Variants in CSMD3 observed in about 807,000 individuals in gnomAD.
The protein encoded by CSMD3 is CUB and Sushi multiple domains 3.
In CSMD3, 177 loss-of-function variants were observed where a neutral mutation model predicts 435.2. The ratio of observed to expected loss-of-function variants is 0.41; its 90% CI spans 0.36 to 0.46. CSMD3 has a LOEUF of 0.46. Among genes scored for constraint, CSMD3 ranks in the 20% least tolerant of loss-of-function variants. The pLI, the probability that CSMD3 is intolerant of heterozygous loss-of-function variation, is 0.34. For synonymous variants in CSMD3, 1,656 were observed against 1,520.5 expected (o/e 1.09, Z -2.07); for missense variants, 4,265 against 4,504.6 (o/e 0.95, Z 1.52).
At chr8:112,661,209 T>C (rs1360862627) in intron 17 of CSMD3, among the ~76,000 whole-genome samples, 1 of 152,062 alleles carries the variant, frequency 6.6e-6, no homozygotes, top group African/African-American at 2.4e-5. Context: ...AATTTAAGTT[T>C]ATGCCTATTT....
At chr8:112,328,570 G>A (rs1163764664) in intron 45 of CSMD3, among the ~76,000 whole-genome samples, 1 of 152,146 alleles carries the variant, frequency 6.6e-6, no homozygotes, top group African/African-American at 2.4e-5. Context: ...TTTCTATCAT[G>A]AGGAATGAAA....
intron 7 of CSMD3, among the ~76,000 whole-genome samples, chr8:112,962,476 T>G (rs1358728952): frequency 6.6e-6 from 1 of 151,772 alleles, no homozygotes; most frequent in Non-Finnish European, 1.5e-5. Flanking sequence ...CTGTGGACAG[T>G]GGCATATAGT....
chr8:112,254,108 C>T (rs1815552093), intron 63 of CSMD3, 145 bp downstream of exon 63: 7 of 708,468 alleles, frequency 9.9e-6, no homozygotes, highest in East Asian at 2.6e-5. Context: ...TACTTCCACT[C>T]TTTTGCTGTC....
intron 22 of CSMD3, among the ~76,000 whole-genome samples, chr8:112,629,348 T>C (rs374765055): frequency 1.7e-4 from 26 of 152,178 alleles, no homozygotes; most frequent in African/African-American, 6.3e-4. Flanking sequence ...ACAACCGTCA[T>C]ACACCACAAT....
At chr8:113,266,181 T>TAAAAAAAAAAAAAAAAAAA (rs34809876) in intron 3 of CSMD3, among the ~76,000 whole-genome samples, 1 of 131,814 alleles carries the variant, frequency 7.6e-6, no homozygotes, top group Non-Finnish European at 1.7e-5. Flanking sequence ...CCCCTAAACT[T>TAAAAAAAAAAAAAAAAAAA]AAAAAAAAAA....
intron 2 of CSMD3, among the ~76,000 whole-genome samples, chr8:113,286,670 A>C (rs1198371364): frequency 6.6e-6 from 1 of 151,724 alleles, no homozygotes; most frequent in Non-Finnish European, 1.5e-5. Flanking sequence ...GGGAGAGTTG[A>C]GAAGAACGAC....
chr8:112,850,441 A>G (rs947284088), intron 11 of CSMD3, among the ~76,000 whole-genome samples: 9 of 152,222 alleles, frequency 5.9e-5, no homozygotes, highest in African/African-American at 1.9e-4. Context: ...AAACATTTGT[A>G]TCTGTAGCTA....
chr8:112,404,524 T>TAAA (rs774206413), intron 35 of CSMD3, among the ~76,000 whole-genome samples: 6 of 138,690 alleles, frequency 4.3e-5, no homozygotes, highest in Admixed American at 3.6e-4. Flanking sequence ...TGAGACTCCA[T>TAAA]AAAAAAAAAA....
At chr8:112,893,313 A>T (rs1301708769) in intron 10 of CSMD3, among the ~76,000 whole-genome samples, 8 of 151,494 alleles carry the variant, frequency 5.3e-5, no homozygotes, top group Admixed American at 4.0e-4. Flanking sequence ...GACTAGATTA[A>T]GTCATTGATT....
intron 4 of CSMD3, among the ~76,000 whole-genome samples, chr8:113,109,286 T>C (rs147601331): frequency 1.1e-3 from 167 of 152,354 alleles, no homozygotes; most frequent in African/African-American, 3.8e-3. Context: ...TAGTCTTAGC[T>C]AATTCTAGTA....
intron 13 of CSMD3, among the ~76,000 whole-genome samples, chr8:112,769,460 G>A (rs1688076339): frequency 1.3e-5 from 2 of 151,726 alleles, no homozygotes; most frequent in South Asian, 2.1e-4. Context: ...CACATTTCAG[G>A]GATATGTAAA....
intron 13 of CSMD3, among the ~76,000 whole-genome samples, chr8:112,757,398 A>T (rs886085940): frequency 1.3e-5 from 2 of 152,088 alleles, no homozygotes; most frequent in African/African-American, 2.4e-5. Flanking sequence ...ATATATATAC[A>T]TATATGTAAT....
intron 22 of CSMD3, among the ~76,000 whole-genome samples, chr8:112,599,083 A>G (rs1186707520): frequency 6.7e-6 from 1 of 148,524 alleles, no homozygotes; most frequent in Non-Finnish European, 1.5e-5. Flanking sequence ...TGAACAGGCA[A>G]CCTACAACAT....
chr8:112,928,435 C>T (rs890969868), intron 9 of CSMD3, among the ~76,000 whole-genome samples: 1 of 152,102 alleles, frequency 6.6e-6, no homozygotes, highest in African/African-American at 2.4e-5. Flanking sequence ...CTCAAAAATC[C>T]TTGCTATAAT....
intron 12 of CSMD3, among the ~76,000 whole-genome samples, chr8:112,803,571 G>C (rs1269948536): frequency 6.6e-6 from 1 of 152,020 alleles, no homozygotes; most frequent in Non-Finnish European, 1.5e-5. Flanking sequence ...CCCACATGAA[G>C]ACAAAAAGAT....
rs528521971 is a variant in CSMD3, at chr8:112,636,832, G to C, written c.3700C>G (p.Leu1234Val). The C allele has an allele frequency of 6.2e-7, 1 of 1,613,286 alleles. No individual in the cohort carries two copies. Reference sequence around the variant, plus strand: ...GACCACGTACCCACACACCTTGGCAGAGGTGCACTCCACACTCGTCGGCCA... The same window carrying C: ...GACCACGTACCCACACACCTTGGCACAGGTGCACTCCACACTCGTCGGCCA... Reference protein sequence around the residue: ...GGGRRVWSAPLPRCVAECGAS... With the variant: ...GGGRRVWSAPVPRCVAECGAS... Residue 1234 changes from leucine to valine, a missense_variant, in exon 22 of 71, where the codon CTG (leucine) becomes GTG (valine). Transcript: ENST00000297405.
chr8:113,167,247 T>A (rs2092169738), intron 4 of CSMD3, among the ~76,000 whole-genome samples: 1 of 152,198 alleles, frequency 6.6e-6, no homozygotes, highest in Admixed American at 6.6e-5. Context: ...ATAAGATTTT[T>A]AAAATAATTG....
chr8:113,355,749 T>TATATATATATATATAC (rs1357514892), intron 1 of CSMD3, among the ~76,000 whole-genome samples: 15 of 81,318 alleles, frequency 1.8e-4, no homozygotes, highest in Non-Finnish European at 2.9e-4. Context: ...TATATATATA[T>TATATATATATATATAC]ACACACACAC....
chr8:113,416,853 T>A (rs1339238573), intron 1 of CSMD3, among the ~76,000 whole-genome samples: 2 of 152,084 alleles, frequency 1.3e-5, no homozygotes, highest in Non-Finnish European at 2.9e-5. Context: ...TCTTTAGCAA[T>A]CTTTGATTCA....
Sources: allele counts gnomAD v4.1 joint callset (sites outside exome capture counted in the v4.1 genomes callset), GRCh38; gene constraint gnomAD v4.1.1; transcripts MANE v1.5; gene names NCBI Gene and HGNC (gene_info 2026-07-23, HGNC 2026-07-21).